DIP2C: variants seen among roughly 807,000 people sequenced by gnomAD.
The protein encoded by DIP2C is disco-interacting protein 2 homolog C.
DIP2C carries 33 observed loss-of-function variants against 192.4 expected under a neutral mutation model. The observed-to-expected ratio is 0.17, with a 90% CI of 0.13 to 0.23. The LOEUF (loss-of-function observed/expected upper bound fraction) is 0.23, where lower values mean the gene tolerates loss of function less well. Ranked by LOEUF, DIP2C falls within the 10% of genes least tolerant of loss-of-function variation. The probability of loss-of-function intolerance (pLI) is 1.00; values close to 1 mark genes in which losing one functional copy is unlikely to be tolerated. For missense variants in DIP2C, 1,537 were observed against 2,110.1 expected, an observed-to-expected ratio of 0.73 and a Z score of 5.32; for synonymous variants, 979 against 864.1, an observed-to-expected ratio of 1.13 and a Z score of -2.33.
At chr10:356,373 C>T in intron 24 of DIP2C, 53 bp downstream of exon 24, 1 of 1,596,414 alleles carries the variant, frequency 6.3e-7, no homozygotes, top group South Asian at 1.1e-5. Flanking sequence ...TCCCAGGAAC[C>T]AGGCTAGGCC....
chr10:624,141 C>A (rs574984804), intron 1 of DIP2C, among the ~76,000 whole-genome samples: 2 of 152,340 alleles, frequency 1.3e-5, no homozygotes, highest in Admixed American at 6.5e-5. Flanking sequence ...GAGAAGGGAG[C>A]CGCACGGCGA....
At chr10:614,702 T>C (rs2131799433) in intron 1 of DIP2C, among the ~76,000 whole-genome samples, 1 of 152,272 alleles carries the variant, frequency 6.6e-6, no homozygotes, top group Admixed American at 6.5e-5. Context: ...CAAGTGTGTT[T>C]AGCTGTGTAA....
chr10:321,208 T>G (rs1017754180), intron 31 of DIP2C, among the ~76,000 whole-genome samples: 1 of 152,230 alleles, frequency 6.6e-6, no homozygotes, highest in Non-Finnish European at 1.5e-5. Context: ...AAAGTGCTTG[T>G]CCAGGCGCCA....
At chr10:361,043 G>A (rs549676354) in intron 22 of DIP2C, among the ~76,000 whole-genome samples, 187 of 152,238 alleles carry the variant, frequency 1.2e-3, no homozygotes, top group African/African-American at 4.1e-3. Flanking sequence ...GCTAAGCTGC[G>A]TATCAGGCCC....
At chr10:313,288 A>T (rs1589450279) in intron 31 of DIP2C, among the ~76,000 whole-genome samples, 1 of 146,886 alleles carries the variant, frequency 6.8e-6, no homozygotes, top group Non-Finnish European at 1.5e-5. Context: ...AAACAGCATT[A>T]ACCCATTCCA....
At chr10:593,371 C>A (rs1445369937) in intron 1 of DIP2C, among the ~76,000 whole-genome samples, 3 of 152,066 alleles carry the variant, frequency 2.0e-5, no homozygotes, top group African/African-American at 7.2e-5. Flanking sequence ...CCCAACATCA[C>A]CTTAGTGATA....
Position 300,370 on chromosome 10 carries a change from T to C in DIP2C, c.3986+9661A>G, listed in dbSNP as rs968239413. ...TCGATCAACCTTGAGGACATTATGCTAGGTAACATCAGCCAGTCACGAAAA... is the reference window on the plus strand; with the variant it reads ...TCGATCAACCTTGAGGACATTATGCCAGGTAACATCAGCCAGTCACGAAAA... On this transcript the variant is annotated intron_variant, in intron 32 of 36. Transcript: ENST00000280886. 6.6e-5 allele frequency among the ~76,000 whole-genome samples: 10 copies of C among 152,186 alleles called. No individual in the cohort carries two copies. The East Asian group carries it at 1.9e-3, about 29-fold the overall frequency.
intron 10 of DIP2C, among the ~76,000 whole-genome samples, chr10:392,751 TACAC>T (rs367655607): frequency 0.054 from 8,061 of 150,220 alleles, 259 homozygotes; most frequent in East Asian, 0.14. Flanking sequence ...CACACTCACA[TACAC>T]ACACACACAC....
intron 5 of DIP2C, 62 bp from the exon 6 acceptor site, chr10:419,261 A>C: frequency 6.2e-7 from 1 of 1,609,258 alleles, no homozygotes; most frequent in Non-Finnish European, 8.5e-7. Context: ...AAGGTGGAAC[A>C]AGCCACAGCC....
At chr10:598,478 G>C (rs185186110) in intron 1 of DIP2C, among the ~76,000 whole-genome samples, 1 of 152,236 alleles carries the variant, frequency 6.6e-6, no homozygotes, top group Non-Finnish European at 1.5e-5. Flanking sequence ...GGGAAAGTCA[G>C]TCTCAGTCCG....
chr10:523,261 GT>G (rs1488525744), intron 1 of DIP2C, among the ~76,000 whole-genome samples: 2 of 140,062 alleles, frequency 1.4e-5, no homozygotes, highest in Non-Finnish European at 3.0e-5. Context: ...CCACACACTC[GT>G]TTCCACCTGA....
chr10:581,016 C>T (rs896707710), intron 1 of DIP2C, among the ~76,000 whole-genome samples: 1 of 152,176 alleles, frequency 6.6e-6, no homozygotes, highest in Non-Finnish European at 1.5e-5. Flanking sequence ...AGTATTCTGG[C>T]AGATTATTCA....
At chr10:288,532 A>C in intron 32 of DIP2C, 111 bp from the exon 33 acceptor site, 1 of 1,137,216 alleles carries the variant, frequency 8.8e-7, no homozygotes, top group Non-Finnish European at 1.3e-6. Flanking sequence ...GCTGATTCTG[A>C]GCATCATCCA....
chr10:346,605 C>A (rs1958479736), intron 26 of DIP2C, among the ~76,000 whole-genome samples: 1 of 144,942 alleles, frequency 6.9e-6, no homozygotes, highest in Non-Finnish European at 1.5e-5. Context: ...AACCCAGACA[C>A]ACCGCGCATA....
At chr10:514,331 A>C (rs1351414408) in intron 1 of DIP2C, among the ~76,000 whole-genome samples, 1 of 152,216 alleles carries the variant, frequency 6.6e-6, no homozygotes, top group Non-Finnish European at 1.5e-5. Context: ...CAATTAAGTG[A>C]ACTGAGCAGA....
At chr10:318,905 T>C (rs1051738800) in intron 31 of DIP2C, among the ~76,000 whole-genome samples, 1 of 59,670 alleles carries the variant, frequency 1.7e-5, no homozygotes, top group African/African-American at 3.9e-5. Context: ...GCCTTCCACA[T>C]TTTTCTTTTT....
intron 6 of DIP2C, among the ~76,000 whole-genome samples, chr10:417,939 G>GA (rs1564686189): frequency 3.0e-5 from 3 of 100,300 alleles, no homozygotes; most frequent in African/African-American, 4.0e-5. Context: ...TCAGGGCTTC[G>GA]ATAGGCCTCC....
intron 1 of DIP2C, among the ~76,000 whole-genome samples, chr10:578,270 T>G (rs1325843538): frequency 6.6e-6 from 1 of 152,088 alleles, no homozygotes; most frequent in African/African-American, 2.4e-5. Flanking sequence ...CTAGGAGGGA[T>G]TTTGCTACAT....
At chr10:479,505 T>C (rs930669833) in intron 2 of DIP2C, among the ~76,000 whole-genome samples, 1 of 151,990 alleles carries the variant, frequency 6.6e-6, no homozygotes, top group Non-Finnish European at 1.5e-5. Context: ...GGCTAATTTT[T>C]AATATTTTTT....
Sources: allele counts gnomAD v4.1 joint callset (sites outside exome capture counted in the v4.1 genomes callset), GRCh38; gene constraint gnomAD v4.1.1; transcripts MANE v1.5; gene names NCBI Gene and HGNC (gene_info 2026-07-23, HGNC 2026-07-21).